Variants in GALNT14 observed in about 807,000 individuals in gnomAD.
GALNT14 encodes UDP-GalNAc:polypeptide N-acetylgalactosaminyltransferase 14.
A neutral mutation model predicts 77.5 loss-of-function variants in GALNT14; 60 were observed. The ratio of observed to expected loss-of-function variants is 0.77; its 90% CI spans 0.63 to 0.96. GALNT14 has a LOEUF of 0.96. Among genes scored for constraint, GALNT14 ranks in the 40% least tolerant of loss-of-function variants. The pLI is 0.00. For missense variants in GALNT14, 710 were observed against 731.0 expected, an observed-to-expected ratio of 0.97 and a Z score of 0.33; for synonymous variants, 280 against 281.7, an observed-to-expected ratio of 0.99 and a Z score of 0.06.
At chr2:30,953,968 A>G (rs1016711888) in intron 6 of GALNT14, among the ~76,000 whole-genome samples, 3 of 152,102 alleles carry the variant, frequency 2.0e-5, no homozygotes, top group African/African-American at 7.2e-5. Flanking sequence ...TGGTGCCCCC[A>G]CTGGATTTGT....
the GALNT14 span, among the ~76,000 whole-genome samples, chr2:30,890,777 T>A: frequency 1.6e-4 from 25 of 152,316 alleles, no homozygotes; most frequent in Non-Finnish European, 2.2e-4. Context: ...CCTACCAATA[T>A]CATCCTTTCT....
chr2:30,947,370 C>T (rs1666763523), intron 6 of GALNT14, among the ~76,000 whole-genome samples: 1 of 152,228 alleles, frequency 6.6e-6, no homozygotes, highest in South Asian at 2.1e-4. Flanking sequence ...CTACGTCCCT[C>T]AGGCCACCCC....
At chr2:31,017,769 AGG>A (rs1671465356) in intron 1 of GALNT14, among the ~76,000 whole-genome samples, 1 of 152,232 alleles carries the variant, frequency 6.6e-6, no homozygotes, top group South Asian at 2.1e-4. Context: ...GCTGAGAAAG[AGG>A]GCGCTTGATG....
intron 1 of GALNT14, among the ~76,000 whole-genome samples, chr2:31,051,263 G>T (rs909200054): frequency 1.2e-4 from 19 of 152,188 alleles, no homozygotes; most frequent in Admixed American, 3.3e-4. Flanking sequence ...GCTGCAGTGC[G>T]CAGTTGCTTG....
At chr2:31,052,786 C>A (rs10194453) in intron 1 of GALNT14, among the ~76,000 whole-genome samples, 1 of 152,216 alleles carries the variant, frequency 6.6e-6, no homozygotes, top group East Asian at 1.9e-4. Flanking sequence ...ATACAGGACA[C>A]CCAATTAATT....
At chr2:31,057,025 G>C (rs972377201) in intron 1 of GALNT14, among the ~76,000 whole-genome samples, 2 of 151,988 alleles carry the variant, frequency 1.3e-5, no homozygotes, top group Non-Finnish European at 2.9e-5. Flanking sequence ...GAATTAACAC[G>C]GGAACAGAAA....
At chr2:30,931,109 T>A (rs967535644) in intron 10 of GALNT14, among the ~76,000 whole-genome samples, 1 of 152,236 alleles carries the variant, frequency 6.6e-6, no homozygotes, top group Admixed American at 6.5e-5. Flanking sequence ...CACTGCTTCC[T>A]GGCCTGCTGA....
intron 5 of GALNT14, 80 bp downstream of exon 5, chr2:30,955,832 A>G (rs1258591643): frequency 2.0e-5 from 32 of 1,606,938 alleles, no homozygotes; most frequent in Non-Finnish European, 2.7e-5. Flanking sequence ...CCCACTGATC[A>G]CCCCAACACA....
the GALNT14 span, among the ~76,000 whole-genome samples, chr2:30,887,387 C>T: frequency 6.6e-6 from 1 of 151,876 alleles, no homozygotes; most frequent in African/African-American, 2.4e-5. Context: ...TAATTATTTT[C>T]TTTTTTTTAA....
chr2:30,890,192 G>T, the GALNT14 span, among the ~76,000 whole-genome samples: 2 of 152,176 alleles, frequency 1.3e-5, no homozygotes, highest in Admixed American at 6.5e-5. Context: ...GGACCCACAG[G>T]ATGATTTGAT....
intron 13 of GALNT14, among the ~76,000 whole-genome samples, chr2:30,918,825 G>T (rs1390739910): frequency 6.7e-6 from 1 of 148,792 alleles, no homozygotes; most frequent in African/African-American, 2.5e-5. Flanking sequence ...TGGGCTGGGA[G>T]GGTGGCATCG....
chr2:31,033,138 A>C (rs549193059), intron 1 of GALNT14, among the ~76,000 whole-genome samples: 77 of 152,228 alleles, frequency 5.1e-4, no homozygotes, highest in African/African-American at 1.8e-3. Context: ...ACTCAGGCTC[A>C]AGTCATTGAA....
intron 8 of GALNT14, among the ~76,000 whole-genome samples, chr2:30,944,227 T>C (rs909566879): frequency 6.6e-6 from 1 of 152,148 alleles, no homozygotes; most frequent in Non-Finnish European, 1.5e-5. Context: ...TGGTGACCAC[T>C]ATGCTCTACT....
intron 1 of GALNT14, among the ~76,000 whole-genome samples, chr2:31,036,290 T>A (rs1048546904): frequency 6.6e-6 from 1 of 152,220 alleles, no homozygotes; most frequent in Non-Finnish European, 1.5e-5. Flanking sequence ...CTATTTTTTT[T>A]ACTTATTTTC....
intron 1 of GALNT14, among the ~76,000 whole-genome samples, chr2:31,100,044 T>C (rs11124239): frequency 0.53 from 81,078 of 151,714 alleles, 22,338 homozygotes; most frequent in African/African-American, 0.64. Context: ...ACTTTAGTAG[T>C]GTTTTTAAAT....
At chr2:30,902,873 G>A in the GALNT14 span, among the ~76,000 whole-genome samples, 7 of 152,206 alleles carry the variant, frequency 4.6e-5, no homozygotes, top group Non-Finnish European at 1.0e-4. Flanking sequence ...CTTTAGTGCA[G>A]TACCTGTTTC....
chr2:30,993,339 G>T (rs971062508), intron 1 of GALNT14, among the ~76,000 whole-genome samples: 12 of 152,196 alleles, frequency 7.9e-5, no homozygotes, highest in South Asian at 2.1e-4. Context: ...GCCTGGAGAG[G>T]TAAGTACCTT....
At chr2:30,926,363 C>T (rs959027507) in intron 11 of GALNT14, among the ~76,000 whole-genome samples, 4 of 152,126 alleles carry the variant, frequency 2.6e-5, no homozygotes, top group East Asian at 3.9e-4. Flanking sequence ...AAACTCTTCA[C>T]GGGGATGGGA....
chr2:31,092,905 A>T (rs901238162), intron 1 of GALNT14, among the ~76,000 whole-genome samples: 1 of 152,060 alleles, frequency 6.6e-6, no homozygotes, highest in African/African-American at 2.4e-5. Context: ...TTTTGCATCA[A>T]CCTAATAGAT....
Sources: gnomAD v4.1 joint callset for allele counts (sites outside exome capture counted in the v4.1 genomes callset) on GRCh38, gnomAD v4.1.1 for gene constraint, MANE v1.5 for transcripts, NCBI Gene and HGNC (gene_info 2026-07-23, HGNC 2026-07-21) for gene names.